Variants in BCAP29 observed in about 807,000 individuals in gnomAD.
BCAP29 encodes the protein B cell receptor associated protein 29, also known as B-cell receptor-associated protein 29.
In BCAP29, 34 loss-of-function variants were observed where a neutral mutation model predicts 31.8. The ratio of observed to expected loss-of-function variants is 1.07; its 90% confidence interval spans 0.81 to 1.42. BCAP29 has a LOEUF of 1.42. Among genes scored for constraint, BCAP29 ranks in the 40% most tolerant of loss-of-function variants. The probability of loss-of-function intolerance (pLI) is 0.00; values close to 1 mark genes in which losing one functional copy is unlikely to be tolerated. For synonymous variants in BCAP29, 104 were observed against 91.3 expected (o/e 1.14, Z -0.79); for missense variants, 314 against 269.2 (o/e 1.17, Z -1.16).
intron 7 of BCAP29, among the ~76,000 whole-genome samples, chr7:107,617,045 C>A (rs28600945): frequency 0.033 from 5,070 of 152,206 alleles, 286 homozygotes; most frequent in African/African-American, 0.12. Context: ...AGCCAAGAAC[C>A]CTTTTCTTTA....
chr7:107,617,539 T>C (rs1814412281), intron 7 of BCAP29, among the ~76,000 whole-genome samples: 1 of 152,190 alleles, frequency 6.6e-6, no homozygotes, highest in African/African-American at 2.4e-5. Context: ...CCTGCCAGTT[T>C]TTAAATTTCA....
At chr7:107,580,165 G>A (rs924791909), upstream of BCAP29, 1 of 152,134 alleles carries the variant, frequency 6.6e-6, no homozygotes, top group Non-Finnish European at 1.5e-5. Context: ...CAGCCGGGAC[G>A]GACCCGCGGG....
intron 3 of BCAP29, among the ~76,000 whole-genome samples, chr7:107,593,596 G>A (rs1809270399): frequency 6.6e-6 from 1 of 152,172 alleles, no homozygotes; most frequent in Non-Finnish European, 1.5e-5. Context: ...ATTGTAATGG[G>A]ATATGACATC....
chr7:107,609,791 G>T (rs976338854), intron 6 of BCAP29, among the ~76,000 whole-genome samples: 1 of 152,180 alleles, frequency 6.6e-6, no homozygotes, highest in Middle Eastern at 3.2e-3. Context: ...AATAGCTCCA[G>T]TGTATCACAC....
intron 6 of BCAP29, among the ~76,000 whole-genome samples, chr7:107,612,389 TTTTATA>T (rs1813280576): frequency 1.2e-5 from 1 of 86,188 alleles, no homozygotes; most frequent in Admixed American, 1.5e-4. Context: ...CAATGTATTG[TTTTATA>T]TATATATATA....
intron 6 of BCAP29, among the ~76,000 whole-genome samples, chr7:107,608,753 G>A (rs561190328): frequency 2.0e-5 from 3 of 152,084 alleles, no homozygotes; most frequent in Admixed American, 6.5e-5. Context: ...TTTGATTGAC[G>A]GTGTTTTTAT....
At chr7:107,622,154 C>A, downstream of BCAP29, 1 of 336,242 alleles carries the variant, frequency 3.0e-6, no homozygotes. Flanking sequence ...TGACGACCTC[C>A]TCATCTCCCT....
At chr7:107,597,275 C>T (rs1810027711) in intron 5 of BCAP29, among the ~76,000 whole-genome samples, 1 of 152,100 alleles carries the variant, frequency 6.6e-6, no homozygotes, top group East Asian at 1.9e-4. Flanking sequence ...CCTTCCCTCC[C>T]TTCCTCCCCA....
At chr7:107,589,357 C>T (rs1054243144) in intron 3 of BCAP29, among the ~76,000 whole-genome samples, 2 of 152,172 alleles carry the variant, frequency 1.3e-5, no homozygotes, top group African/African-American at 2.4e-5. Flanking sequence ...GAGCCCTGAG[C>T]TTGTTTCCTA....
intron 4 of BCAP29, chr7:107,594,349 G>T: frequency 4.4e-6 from 2 of 450,170 alleles, no homozygotes; most frequent in South Asian, 2.9e-5. Context: ...CACCATGTAG[G>T]GCTAATTTTT....
intron 3 of BCAP29, among the ~76,000 whole-genome samples, chr7:107,585,130 A>T (rs1807400366): frequency 6.6e-6 from 1 of 152,180 alleles, no homozygotes; most frequent in South Asian, 2.1e-4. Flanking sequence ...TCTTGCACAG[A>T]GTATGTTTTC....
chr7:107,594,297 T>C, intron 4 of BCAP29, 192 bp downstream of exon 4: 1 of 557,872 alleles, frequency 1.8e-6, no homozygotes, highest in African/African-American at 1.9e-5. Flanking sequence ...CAAGTGATCC[T>C]GCCTCTTCAA....
chr7:107,594,184 G>T (rs1809382500), intron 4 of BCAP29, 79 bp downstream of exon 4: 3 of 1,335,028 alleles, frequency 2.2e-6, no homozygotes, highest in Non-Finnish European at 1.0e-6. Flanking sequence ...CACCTTTACT[G>T]TAGATTTTTT....
chr7:107,604,090 A>G (rs575734294), intron 6 of BCAP29, among the ~76,000 whole-genome samples: 13 of 152,284 alleles, frequency 8.5e-5, no homozygotes, highest in African/African-American at 2.9e-4. Context: ...GTACCTAAGT[A>G]TTAGCAGCAC....
chr7:107,614,220 T>C (rs1433465111), intron 7 of BCAP29, among the ~76,000 whole-genome samples: 1 of 152,222 alleles, frequency 6.6e-6, no homozygotes, highest in African/African-American at 2.4e-5. Context: ...TTTATTTCAC[T>C]GTACACATTT....
chr7:107,609,453 G>A (rs574715760), intron 6 of BCAP29, among the ~76,000 whole-genome samples: 2 of 152,164 alleles, frequency 1.3e-5, no homozygotes, highest in East Asian at 1.9e-4. Context: ...TGAGGACAGT[G>A]GTCACAGAGC....
intron 1 of BCAP29, 184 bp from the exon 2 acceptor site, chr7:107,580,575 G>T (rs1806430026): frequency 1.9e-6 from 1 of 516,814 alleles, no homozygotes; most frequent in East Asian, 3.6e-5. Context: ...GACTCCCAGG[G>T]AGGTGGCGAC....
chr7:107,586,428 A>G (rs1351926083), intron 3 of BCAP29, among the ~76,000 whole-genome samples: 2 of 152,206 alleles, frequency 1.3e-5, no homozygotes, highest in African/African-American at 2.4e-5. Context: ...AAACAGGGCA[A>G]TTAATTCCCA....
chr7:107,601,340 A>G (rs561281600), intron 6 of BCAP29, among the ~76,000 whole-genome samples: 43 of 152,296 alleles, frequency 2.8e-4, no homozygotes, highest in African/African-American at 9.6e-4. Flanking sequence ...GTTTACTTCA[A>G]TCAGGGTGTA....
Sources: gnomAD v4.1 joint callset for allele counts (sites outside exome capture counted in the v4.1 genomes callset) on GRCh38, gnomAD v4.1.1 for gene constraint, MANE v1.5 for transcripts, NCBI Gene and HGNC (gene_info 2026-07-23, HGNC 2026-07-21) for gene names.